RNF149: variants seen among roughly 807,000 people sequenced by gnomAD.
RNF149 encodes the protein E3 ubiquitin-protein ligase RNF149.
In RNF149, 21 loss-of-function variants were observed where a neutral mutation model predicts 39.0. That is an observed-to-expected ratio of 0.54 (90% CI 0.38 to 0.77). The LOEUF (loss-of-function observed/expected upper bound fraction) is 0.77. Among genes scored for constraint, RNF149 ranks in the 30% least tolerant of loss-of-function variants. The probability of loss-of-function intolerance (pLI) is 0.00; values close to 1 mark genes in which losing one functional copy is unlikely to be tolerated. For missense variants in RNF149, 493 were observed against 534.9 expected, an observed-to-expected ratio of 0.92 and a Z score of 0.77; for synonymous variants, 209 against 213.6, an observed-to-expected ratio of 0.98 and a Z score of 0.19.
chr2:101,301,480 C>T (rs941536732), intron 1 of RNF149, among the ~76,000 whole-genome samples: 6 of 151,950 alleles, frequency 3.9e-5, no homozygotes, highest in African/African-American at 1.5e-4. Flanking sequence ...CCACCTCACC[C>T]AGCTAATTTT....
chr2:101,287,138 A>G (rs1298662437), intron 4 of RNF149, among the ~76,000 whole-genome samples: 1 of 151,830 alleles, frequency 6.6e-6, no homozygotes, highest in East Asian at 1.9e-4. Flanking sequence ...CCTAGCCAAC[A>G]TGGTGAAACC....
intron 1 of RNF149, among the ~76,000 whole-genome samples, chr2:101,297,970 G>A (rs1683301597): frequency 1.3e-5 from 2 of 152,176 alleles, no homozygotes; most frequent in East Asian, 1.9e-4. Context: ...AAATAGGCAC[G>A]AATGAGCACT....
chr2:101,285,743 G>A (rs1682769248), intron 5 of RNF149, among the ~76,000 whole-genome samples: 1 of 152,134 alleles, frequency 6.6e-6, no homozygotes, highest in Non-Finnish European at 1.5e-5. Context: ...GACAACCTAT[G>A]AGGCTCCTTC....
chr2:101,290,155 G>A (rs1178108222), intron 3 of RNF149, among the ~76,000 whole-genome samples: 1 of 152,178 alleles, frequency 6.6e-6, no homozygotes, highest in Non-Finnish European at 1.5e-5. Context: ...CCTCCACCCT[G>A]GTGACACAGC....
chr2:101,294,920 T>A lies in RNF149; in HGVS notation c.711+11A>T, dbSNP rs1290770923. The A allele has an allele frequency of 1.2e-5, 19 of 1,597,880 alleles. No homozygotes were observed. The Middle Eastern group carries it at 6.6e-4, about 56-fold the overall frequency. ...TTTTAAAAAGCAAAATTCAGAGTTA[T>A]CCATCATTACCTGACTTCCAATCTG... On this transcript the variant is annotated intron_variant, in intron 2 of 6. Coordinates refer to ENST00000295317, the MANE Select transcript of RNF149 (RefSeq NM_173647.4).
chr2:101,281,163 T>A (rs1682568265), intron 6 of RNF149, among the ~76,000 whole-genome samples: 1 of 152,222 alleles, frequency 6.6e-6, no homozygotes. Flanking sequence ...TTCAAAGTGC[T>A]ACTGATAATA....
downstream of RNF149, chr2:101,271,275 ATTTATAGAACAT>A (rs904468829): frequency 2.6e-5 from 4 of 152,220 alleles, no homozygotes; most frequent in Non-Finnish European, 5.9e-5. Flanking sequence ...TAGTGGTTAT[ATTTATAGAACAT>A]TTTATAAAAC....
Position 101,277,368 on chromosome 2 carries a change from G to A in RNF149, c.1160-87C>T. 3.4e-6 allele frequency: 5 copies of A among 1,487,124 alleles called. No individual in the cohort carries two copies. The South Asian group carries it at 5.3e-5, about 16-fold the overall frequency. 92.1% of individuals were successfully genotyped at this position (1,487,124 alleles called of 1,614,324 possible). On this transcript the variant is annotated intron_variant, in intron 6 of 6. Transcript: ENST00000295317. ...ATGCAAACACACTTACTCACTTGGAGATAATTCAAGATGGTAAACAGAAAA... is the reference window on the plus strand; with the variant it reads ...ATGCAAACACACTTACTCACTTGGAAATAATTCAAGATGGTAAACAGAAAA...
At position 101,308,573 on chromosome 2, in the gene RNF149, G is replaced by A. The variant is rs374342084; in HGVS notation, c.16C>T (p.Arg6Cys). The A allele has an allele frequency of 1.9e-3, 2,998 of 1,559,900 alleles. 11 individuals carry two copies. The highest frequency in any genetic ancestry group is 8.5e-3 in the South Asian group (720 of 85,002). ...CCGCGAGCCCCGACGCTGGCTTCGC[G>A]CCGCCGCCACGCCATGGCAGCACCG... MAWRR[R>C]EASVGARGVL... Residue 6 changes from arginine to cysteine, a missense_variant, in exon 1 of 7, where the codon CGC (arginine) becomes TGC (cysteine). Transcript: ENST00000295317.
intron 5 of RNF149, among the ~76,000 whole-genome samples, chr2:101,283,972 C>T (rs556737541): frequency 6.6e-6 from 1 of 152,056 alleles, no homozygotes; most frequent in Non-Finnish European, 1.5e-5. Context: ...TAAAACCTTG[C>T]CAAGAAAGAA....
rs919173317 is a variant in RNF149, at chr2:101,308,024, C to A, written c.460+105G>T. On this transcript the variant is annotated intron_variant, in intron 1 of 6. Transcript: ENST00000295317. ...TTCCAACAGCCAGAGGCCTGAGAGC[C>A]GTGCCAGGCCCGCTTCGCGGCCTGC... 2.2e-5 allele frequency: 32 copies of A among 1,486,876 alleles called. No individual in the cohort carries two copies. In the African/African-American group the frequency reaches 3.2e-4, roughly 15 times the overall value. The allele number at this position is 1,486,876 out of a possible 1,614,324, so 92.1% of individuals were successfully genotyped here.
In RNF149 at chr2:101,277,127, A is replaced by G; in HGVS notation, c.*111T>C. On this transcript the variant is annotated 3_prime_UTR_variant, in exon 7 of 7. Transcript: ENST00000295317. ...TATCAAATCAGAATCTAATAGGTAA[A>G]ATAATATACATTATTTTCAAATATA... 6.7e-7 allele frequency: 1 copy of G among 1,482,746 alleles called. No individual in the cohort carries two copies. The highest frequency in any genetic ancestry group is 9.1e-7 in the Non-Finnish European group (1 of 1,098,430). 91.8% of individuals were successfully genotyped at this position (1,482,746 alleles called of 1,614,324 possible).
intron 4 of RNF149, 100 bp from the exon 5 acceptor site, chr2:101,286,277 T>C: frequency 1.5e-6 from 1 of 652,034 alleles, no homozygotes. Flanking sequence ...CATTACAAGT[T>C]AGCTGATGTC....
At chr2:101,293,604 T>G (rs1049002117) in intron 3 of RNF149, among the ~76,000 whole-genome samples, 1 of 152,224 alleles carries the variant, frequency 6.6e-6, no homozygotes, top group East Asian at 1.9e-4. Context: ...TGCCAACATT[T>G]TCTCCCTGTA....
chr2:101,298,515 C>T (rs548480459), intron 1 of RNF149, among the ~76,000 whole-genome samples: 6 of 151,990 alleles, frequency 3.9e-5, no homozygotes, highest in African/African-American at 1.2e-4. Flanking sequence ...AAACGTCCAT[C>T]GAAAGGAAAA....
intron 1 of RNF149, chr2:101,307,758 T>C: frequency 1.1e-6 from 1 of 942,002 alleles, no homozygotes; most frequent in Non-Finnish European, 1.3e-6. Flanking sequence ...GGGGAAGAGT[T>C]TGGATTCCTA....
intron 1 of RNF149, among the ~76,000 whole-genome samples, chr2:101,297,551 G>A (rs1683283357): frequency 6.6e-6 from 1 of 151,366 alleles, no homozygotes; most frequent in South Asian, 2.1e-4. Context: ...TAGAGATGGG[G>A]TCTCACTATG....
rs558483084 is a variant in RNF149 at position 101,300,844 on chromosome 2, T to C, written c.461-5663A>G. Among the ~76,000 whole-genome samples, 4 of 152,308 alleles carry C rather than the reference T, an allele frequency of 2.6e-5. No individual in the cohort carries two copies. The South Asian group carries it at 6.2e-4, about 24-fold the overall frequency. Reference sequence around the variant, plus strand: ...GAGGCAGGGCAGTTGGGTAAAAACATGCTAGTTCAGGGGTCAGTATGTGCA... The same window carrying C: ...GAGGCAGGGCAGTTGGGTAAAAACACGCTAGTTCAGGGGTCAGTATGTGCA... On this transcript the variant is annotated intron_variant, in intron 1 of 6. Coordinates refer to ENST00000295317, the MANE Select transcript of RNF149 (RefSeq NM_173647.4).
intron 4 of RNF149, among the ~76,000 whole-genome samples, chr2:101,288,230 C>CTTTT (rs554652378): frequency 9.9e-5 from 6 of 60,544 alleles, no homozygotes; most frequent in Non-Finnish European, 1.4e-4. Context: ...GAAAGAAAAA[C>CTTTT]TTTTTTTTTT....
Sources: allele counts gnomAD v4.1 joint callset (sites outside exome capture counted in the v4.1 genomes callset), GRCh38; gene constraint gnomAD v4.1.1; transcripts MANE v1.5; gene names NCBI Gene and HGNC (gene_info 2026-07-23, HGNC 2026-07-21).